DIAPH3: variants seen among roughly 807,000 people sequenced by gnomAD.
DIAPH3 encodes diaphanous related formin 3.
A neutral mutation model predicts 144.3 loss-of-function variants in DIAPH3; 117 were observed. The ratio of observed to expected loss-of-function variants is 0.81; its 90% CI spans 0.70 to 0.95. The LOEUF is 0.95. Among genes scored for constraint, DIAPH3 ranks in the 40% least tolerant of loss-of-function variants. The pLI, the probability that DIAPH3 is intolerant of heterozygous loss-of-function variation, is 0.00. For synonymous variants in DIAPH3, 519 were observed against 488.9 expected (o/e 1.06, Z -0.81); for missense variants, 1,421 against 1,412.7 (o/e 1.01, Z -0.09).
At chr13:59,799,972 G>C (rs2139465089) in intron 25 of DIAPH3, among the ~76,000 whole-genome samples, 1 of 152,078 alleles carries the variant, frequency 6.6e-6, no homozygotes, top group East Asian at 1.9e-4. Context: ...GATTAATATT[G>C]AGTATCTAAT....
chr13:59,808,994 T>C (rs897100264), intron 25 of DIAPH3, among the ~76,000 whole-genome samples: 1 of 152,224 alleles, frequency 6.6e-6, no homozygotes. Flanking sequence ...AAAGCTTCCT[T>C]AGGGAGACAT....
chr13:59,929,676 C>T (rs1424900659), intron 17 of DIAPH3, among the ~76,000 whole-genome samples: 1 of 150,402 alleles, frequency 6.6e-6, no homozygotes, highest in African/African-American at 2.4e-5. Context: ...AATTCTCCTG[C>T]CTCGGCCTCC....
chr13:59,981,427 G>A (rs1232569466), intron 13 of DIAPH3, among the ~76,000 whole-genome samples: 1 of 150,898 alleles, frequency 6.6e-6, no homozygotes, highest in Non-Finnish European at 1.5e-5. Context: ...TTGTAAATAT[G>A]GATTTTCTTT....
rs556066898 is a variant in DIAPH3 at position 59,774,260 on chromosome 13, A to T, written c.3260-12T>A. 6.2e-5 allele frequency: 100 copies of T among 1,608,756 alleles called. No homozygotes were observed. The highest frequency in any genetic ancestry group is 3.4e-4 in the South Asian group (31 of 90,214). On this transcript the variant is annotated splice_polypyrimidine_tract_variant and intron_variant, in intron 26 of 27. Coordinates refer to ENST00000400324, the MANE Select transcript of DIAPH3 (RefSeq NM_001042517.2). ...ACTCTGCCGAACATCTGTTAAAAAA[A>T]AAAATAAAATAAACTTAATATAGAG...
chr13:59,939,774 G>T (rs2140373458), intron 17 of DIAPH3, among the ~76,000 whole-genome samples: 1 of 152,044 alleles, frequency 6.6e-6, no homozygotes, highest in Non-Finnish European at 1.5e-5. Context: ...CTAAGGCAAA[G>T]TCACCTTTTA....
rs115309449 is a variant in DIAPH3 at position 59,817,870 on chromosome 13, C to A, written c.3028-6947G>T. Among the ~76,000 whole-genome samples, 418 of 151,946 alleles carry A rather than the reference C, an allele frequency of 2.8e-3. 2 individuals are homozygous for A. Among genetic ancestry groups the A allele is most frequent in the African/African-American group, 9.3e-3 (388 of 41,524 alleles). On this transcript the variant is annotated intron_variant, in intron 24 of 27. Coordinates refer to ENST00000400324, the MANE Select transcript of DIAPH3 (RefSeq NM_001042517.2). ...TTAATATCTGTATCTCCCTTTCTCC[C>A]TTGACTAAAATAAAGAAAACCCAAA...
chr13:59,801,160 A>G (rs556497982), intron 25 of DIAPH3, among the ~76,000 whole-genome samples: 10 of 152,360 alleles, frequency 6.6e-5, no homozygotes, highest in Non-Finnish European at 1.5e-4. Context: ...CTTCTGAAAT[A>G]TATCTGAAAT....
chr13:60,028,962 G>C (rs2054584725), intron 5 of DIAPH3, among the ~76,000 whole-genome samples: 1 of 151,958 alleles, frequency 6.6e-6, no homozygotes, highest in Admixed American at 6.6e-5. Flanking sequence ...AGGAGCCTGA[G>C]GCAGAAGAAT....
intron 19 of DIAPH3, 91 bp downstream of exon 19, chr13:59,916,064 T>A (rs910128141): frequency 9.3e-7 from 1 of 1,073,400 alleles, no homozygotes; most frequent in African/African-American, 1.6e-5. Context: ...TTGAATGATT[T>A]GGGTGAAGAA....
intron 27 of DIAPH3, among the ~76,000 whole-genome samples, chr13:59,718,145 T>TTTTTTTTTTTTTTTTTTTTTTTTTTTGAG (rs1374375089): frequency 6.6e-6 from 1 of 152,136 alleles, no homozygotes; most frequent in African/African-American, 2.4e-5. Context: ...AAAACAGTCT[T>TTTTTTTTTTTTTTTTTTTTTTTTTTTGAG]AAAGGCACAA....
chr13:59,665,691 T>C lies in DIAPH3; in HGVS notation c.*893A>G, dbSNP rs2031974564. 1 of 152,660 alleles carries C rather than the reference T, an allele frequency of 6.6e-6. No individual in the cohort carries two copies. Among genetic ancestry groups the C allele is most frequent in the Admixed American group, 6.5e-5 (1 of 15,286 alleles). 9.5% of individuals were successfully genotyped at this position (152,660 alleles called of 1,614,324 possible). ...TACATTTGCTTAGGAAAACTTTCCT[T>C]GAAACACTTATTTAGATCTTTGTTA... On this transcript the variant is annotated 3_prime_UTR_variant, in exon 28 of 28. Coordinates refer to ENST00000400324, the MANE Select transcript of DIAPH3 (RefSeq NM_001042517.2).
chr13:59,992,565 T>C lies in DIAPH3; in HGVS notation c.1033A>G (p.Ile345Val). 1 of 1,612,006 alleles carries C rather than the reference T, an allele frequency of 6.2e-7. No homozygotes were observed. The highest frequency in any genetic ancestry group is 1.1e-5 in the South Asian group (1 of 91,006). ...TCAGGAGATGTAACCAGGGCATTGA[T>C]GAGCTGCATACAAGCTACCTACAAG... is the stretch of plus-strand genomic sequence containing the variant. ...VQLQVACMQLINALVTSPDDL... is the reference protein window; with the variant it reads ...VQLQVACMQLVNALVTSPDDL... The change falls in exon 10 of 28, where the codon ATC (isoleucine) becomes GTC (valine). Residue 345 changes from isoleucine to valine, a missense_variant. Ile to Val is a conservative substitution (Grantham distance 29). Coordinates refer to ENST00000400324, the MANE Select transcript of DIAPH3 (RefSeq NM_001042517.2).
chr13:59,991,756 T>A (rs1028744029), intron 11 of DIAPH3, among the ~76,000 whole-genome samples: 2 of 151,886 alleles, frequency 1.3e-5, no homozygotes, highest in African/African-American at 4.8e-5. Context: ...TGACTAAGGC[T>A]GCCCTATTCC....
intron 9 of DIAPH3, among the ~76,000 whole-genome samples, chr13:59,997,627 C>A (rs2052285805): frequency 6.6e-6 from 1 of 151,982 alleles, no homozygotes; most frequent in Admixed American, 6.6e-5. Flanking sequence ...CAAACTTAAG[C>A]ACAAAATTCA....
chr13:59,868,887 A>G (rs1268949456), intron 21 of DIAPH3, among the ~76,000 whole-genome samples: 1 of 152,186 alleles, frequency 6.6e-6, no homozygotes, highest in Non-Finnish European at 1.5e-5. Context: ...CATGTCTTCC[A>G]TTGGCTTAAA....
intron 1 of DIAPH3, chr13:60,147,259 A>T (rs993424366): frequency 6.6e-6 from 1 of 152,258 alleles, no homozygotes; most frequent in Non-Finnish European, 1.5e-5. Context: ...TTACAGAGAA[A>T]AGGTCATTTG....
intron 25 of DIAPH3, among the ~76,000 whole-genome samples, chr13:59,791,995 C>T (rs2039351904): frequency 6.6e-6 from 1 of 152,164 alleles, no homozygotes; most frequent in Non-Finnish European, 1.5e-5. Context: ...CATTCTTAGA[C>T]AACAGTGTCC....
intron 25 of DIAPH3, among the ~76,000 whole-genome samples, chr13:59,792,234 T>C (rs2039364125): frequency 6.6e-6 from 1 of 152,170 alleles, no homozygotes; most frequent in African/African-American, 2.4e-5. Flanking sequence ...GAATGTCTGC[T>C]TTCTCCTTGA....
At chr13:60,025,213 G>T (rs2054294350) in intron 5 of DIAPH3, among the ~76,000 whole-genome samples, 1 of 151,934 alleles carries the variant, frequency 6.6e-6, no homozygotes, top group Non-Finnish European at 1.5e-5. Flanking sequence ...GAAGGCTTTT[G>T]TTGGGACTTC....
Sources: gnomAD v4.1 joint callset for allele counts (sites outside exome capture counted in the v4.1 genomes callset) on GRCh38, gnomAD v4.1.1 for gene constraint, MANE v1.5 for transcripts, NCBI Gene and HGNC (gene_info 2026-07-23, HGNC 2026-07-21) for gene names.